ASXL2: variants seen among roughly 807,000 people sequenced by gnomAD.
The protein encoded by ASXL2 is ASXL transcriptional regulator 2.
A neutral mutation model predicts 122.0 loss-of-function variants in ASXL2; 23 were observed. The ratio of observed to expected loss-of-function variants is 0.19; its 90% CI spans 0.14 to 0.27. The LOEUF is 0.27. Ranked by LOEUF, ASXL2 falls within the 10% of genes least tolerant of loss-of-function variation. The pLI, the probability that ASXL2 is intolerant of heterozygous loss-of-function variation, is 1.00. For synonymous variants in ASXL2, 650 were observed against 637.0 expected (o/e 1.02, Z -0.31); for missense variants, 1,518 against 1,713.8 (o/e 0.89, Z 2.02).
intron 8 of ASXL2, among the ~76,000 whole-genome samples, chr2:25,760,289 TAAGA>T (rs2088219379): frequency 6.6e-6 from 1 of 151,620 alleles, no homozygotes; most frequent in East Asian, 1.9e-4. Flanking sequence ...TACACATCAA[TAAGA>T]AAAAGACAAA....
At chr2:25,759,365 T>C (rs1384316058) in intron 9 of ASXL2, 117 bp downstream of exon 9, 1 of 1,124,734 alleles carries the variant, frequency 8.9e-7, no homozygotes, top group Non-Finnish European at 1.2e-6. Context: ...TAAAAAAACC[T>C]GCCTATTAAG....
chr2:25,792,886 G>A (rs148817038), intron 5 of ASXL2, among the ~76,000 whole-genome samples: 1,832 of 152,018 alleles, frequency 0.012, 14 homozygotes, highest in Non-Finnish European at 0.019. Context: ...GATTACAGGC[G>A]TGAGCCACCG....
In ASXL2 at chr2:25,878,289, C is replaced by T. The variant is rs1403784687; in HGVS notation, c.-67G>A. ...CCGGCCGCCCTCCCTGCCTGCTCTG[C>T]CCTGCGCTGCTTTTCCCGCGGTGCC... On this transcript the variant is annotated 5_prime_UTR_variant, in exon 1 of 13. Coordinates refer to ENST00000435504, the MANE Select transcript of ASXL2 (RefSeq NM_018263.6). 4 of 1,541,680 alleles carry T rather than the reference C, an allele frequency of 2.6e-6. No homozygotes were observed. Among genetic ancestry groups the T allele is most frequent in the East Asian group, 2.3e-5 (1 of 43,326 alleles).
At chr2:25,808,806 T>A (rs1392367675) in intron 3 of ASXL2, among the ~76,000 whole-genome samples, 4 of 151,980 alleles carry the variant, frequency 2.6e-5, no homozygotes. Flanking sequence ...ATCAAAGGAG[T>A]GTACATTTTA....
intron 5 of ASXL2, among the ~76,000 whole-genome samples, chr2:25,782,301 T>C (rs1407270372): frequency 6.6e-6 from 1 of 151,960 alleles, no homozygotes; most frequent in East Asian, 1.9e-4. Context: ...TCCCAGCACT[T>C]TGGGAGGCTG....
intron 2 of ASXL2, among the ~76,000 whole-genome samples, chr2:25,843,502 T>C (rs1014276121): frequency 7.9e-5 from 12 of 152,178 alleles, no homozygotes; most frequent in African/African-American, 2.7e-4. Flanking sequence ...GGATGTGTTA[T>C]ATAAAGTAAG....
At chr2:25,870,969 TTTC>T (rs2089958169) in intron 1 of ASXL2, among the ~76,000 whole-genome samples, 1 of 152,212 alleles carries the variant, frequency 6.6e-6, no homozygotes, top group Non-Finnish European at 1.5e-5. Context: ...CTTCTACTTG[TTTC>T]TTGTTTTTTT....
In ASXL2 at chr2:25,781,971, T is replaced by C. The variant is rs910782714; in HGVS notation, c.404-10431A>G. Among the ~76,000 whole-genome samples, 17 of 136,450 alleles carry C rather than the reference T, an allele frequency of 1.2e-4. No individual in the cohort carries two copies. In the East Asian group the frequency reaches 1.8e-3, roughly 14 times the overall value. 89.5% of individuals were successfully genotyped at this position (136,450 alleles called of 152,430 possible). ...GCCACCGCCCGGGCTTTTTTCTTTT[T>C]TTTTTTTTTTTTTTGTAGAGACAGA... On this transcript the variant is annotated intron_variant, in intron 5 of 12. Transcript: ENST00000435504.
At position 25,743,663 on chromosome 2, in the gene ASXL2, T is replaced by C; in HGVS notation, c.2674A>G (p.Thr892Ala). The C allele has an allele frequency of 6.2e-7, 1 of 1,613,912 alleles. No individual in the cohort carries two copies. Among genetic ancestry groups the C allele is most frequent in the Non-Finnish European group, 8.5e-7 (1 of 1,179,872 alleles). Residue 892 changes from threonine to alanine, a missense_variant, in exon 13 of 13, where the codon ACC (threonine) becomes GCC (alanine). By Grantham distance (58) the Thr-to-Ala change is moderately conservative. This residue lies in a region of ASXL2 where 831 missense variants were observed against 833.1 expected (regional missense o/e 1.00). Transcript: ENST00000435504. The part of the protein sequence containing the change: ...VTPSPLTSLL[T>A]TATLEKLPVP... The stretch of plus-strand genomic sequence containing the variant: ...GGAAGCTTTTCTAAAGTGGCTGTGG[T>C]CAATAAAGATGTTAAAGGGGAGGGA...
chr2:25,743,521 GTGGGTCCAT>G lies in ASXL2; in HGVS notation c.2807_2815del (p.Asn936_Pro938del). The G allele has an allele frequency of 1.2e-6, 2 of 1,614,000 alleles. No individual in the cohort carries two copies. The highest frequency in any genetic ancestry group is 1.7e-6 in the Non-Finnish European group (2 of 1,179,900). On this transcript the variant is annotated inframe_deletion, in exon 13 of 13. Coordinates refer to ENST00000435504, the MANE Select transcript of ASXL2 (RefSeq NM_018263.6). ...AGGGATACTAGAGGTTGGTCTTAAA[GTGGGTCCAT>G]TCATGTTTAAAGAAGTTCCTGGGGT...
At position 25,863,586 on chromosome 2, in the gene ASXL2, G is replaced by A. The variant is rs1307257916; in HGVS notation, c.57+14580C>T. Among the ~76,000 whole-genome samples, 8 of 149,928 alleles carry A rather than the reference G, an allele frequency of 5.3e-5. No homozygotes were observed. In the South Asian group the frequency reaches 1.3e-3, roughly 24 times the overall value. On this transcript the variant is annotated intron_variant, in intron 1 of 12. Transcript: ENST00000435504. ...CAGGCACCTGTAGTCCCAGCTACTC[G>A]GGAGGCTAAGGCAGGAGAATGGCCT...
chr2:25,754,904 C>A lies in ASXL2; in HGVS notation c.1036+1114G>T, dbSNP rs76888911. ...GGACAAAGTAATCAGAGCAAGAGAT[C>A]CCTTCTACATAGAATTTCTTCTAAA... On this transcript the variant is annotated intron_variant, in intron 10 of 12. Transcript: ENST00000435504. Among the ~76,000 whole-genome samples the A allele has an allele frequency of 2.9e-3, 437 of 151,850 alleles. 2 individuals carry two copies. The highest frequency in any genetic ancestry group is 5.0e-3 in the Non-Finnish European group (337 of 67,948).
At chr2:25,874,333 T>TA (rs1181242999) in intron 1 of ASXL2, among the ~76,000 whole-genome samples, 1 of 151,614 alleles carries the variant, frequency 6.6e-6, no homozygotes, top group Non-Finnish European at 1.5e-5. Context: ...TACAAAAAAT[T>TA]AAAAAATCAG....
At chr2:25,810,738 G>A (rs952217725) in intron 3 of ASXL2, 6 of 597,152 alleles carry the variant, frequency 1.0e-5, no homozygotes, top group Non-Finnish European at 1.9e-5. Context: ...AGTGTATCAA[G>A]TCTTGCCTTG....
At position 25,736,793 on chromosome 2, in the gene ASXL2, G is replaced by A. The variant is rs1287279666; in HGVS notation, c.*5236C>T. 1 of 152,176 alleles carries A rather than the reference G, an allele frequency of 6.6e-6. No individual in the cohort carries two copies. The highest frequency in any genetic ancestry group is 1.5e-5 in the Non-Finnish European group (1 of 67,984). 9.4% of individuals were successfully genotyped at this position (152,176 alleles called of 1,614,324 possible). On this transcript the variant is annotated 3_prime_UTR_variant, in exon 13 of 13. Transcript: ENST00000435504. ...TTATGGGTCATCAAGATACACTCTCGAAAATCTGACCTTAACAATTTTTCT... is the reference window on the plus strand; with the variant it reads ...TTATGGGTCATCAAGATACACTCTCAAAAATCTGACCTTAACAATTTTTCT...
chr2:25,777,554 C>T (rs1026961721), intron 5 of ASXL2, among the ~76,000 whole-genome samples: 11 of 151,640 alleles, frequency 7.3e-5, no homozygotes, highest in Non-Finnish European at 1.3e-4. Context: ...GCACTCCAGC[C>T]TAGGGGGTGA....
chr2:25,768,625 G>T, intron 7 of ASXL2, 117 bp downstream of exon 7: 1 of 1,141,828 alleles, frequency 8.8e-7, no homozygotes. Flanking sequence ...GGCAGTACAA[G>T]GATTGTGTAA....
chr2:25,840,381 A>AT (rs1312734382), intron 2 of ASXL2, among the ~76,000 whole-genome samples: 1 of 152,196 alleles, frequency 6.6e-6, no homozygotes, highest in Non-Finnish European at 1.5e-5. Context: ...TAAAACCCAC[A>AT]TAACATAAAA....
At chr2:25,875,358 C>T (rs2090001708) in intron 1 of ASXL2, among the ~76,000 whole-genome samples, 1 of 152,078 alleles carries the variant, frequency 6.6e-6, no homozygotes, top group African/African-American at 2.4e-5. Flanking sequence ...GTCCCAGCTA[C>T]TTGGGAAGCT....
Sources: allele counts gnomAD v4.1 joint callset (sites outside exome capture counted in the v4.1 genomes callset), GRCh38; gene constraint gnomAD v4.1.1; regional missense constraint gnomAD v4.1.1; transcripts MANE v1.5; gene names NCBI Gene and HGNC (gene_info 2026-07-23, HGNC 2026-07-21).